CREBRF: variants seen among roughly 807,000 people sequenced by gnomAD.
CREBRF encodes CREB3 regulatory factor, also known as UPF0474 protein C5orf41.
Under a neutral mutation model 66.1 loss-of-function variants are expected in CREBRF, and 5 were observed. The ratio of observed to expected loss-of-function variants is 0.08; its 90% CI spans 0.04 to 0.16. CREBRF has a LOEUF of 0.16. CREBRF is among the 10% of genes least tolerant of loss of function. The pLI is 1.00. For synonymous variants in CREBRF, 229 were observed against 264.4 expected (o/e 0.87, Z 1.30); for missense variants, 531 against 744.9 (o/e 0.71, Z 3.34).
chr5:173,121,924 A>G (rs557907720), intron 7 of CREBRF, among the ~76,000 whole-genome samples: 4 of 152,072 alleles, frequency 2.6e-5, no homozygotes, highest in Admixed American at 6.5e-5. Context: ...GGCTATTCAC[A>G]GTCACCATCC....
intron 2 of CREBRF, chr5:173,085,400 C>T (rs1272007502): frequency 6.9e-6 from 7 of 1,015,404 alleles, no homozygotes; most frequent in South Asian, 2.7e-5. Context: ...AATATTGTAT[C>T]GTCAAATACA....
chr5:173,083,846 T>C (rs908398406), intron 2 of CREBRF, among the ~76,000 whole-genome samples: 2 of 152,244 alleles, frequency 1.3e-5, no homozygotes, highest in Admixed American at 1.3e-4. Context: ...TGCTCTATAT[T>C]TTTTCAATTT....
chr5:173,095,097 A>C (rs72816121), intron 4 of CREBRF, among the ~76,000 whole-genome samples: 25,611 of 151,452 alleles, frequency 0.17, 3,164 homozygotes, highest in African/African-American at 0.34. Flanking sequence ...ATTGGACATA[A>C]TGTGGGAATT....
At position 173,086,601 on chromosome 5, in the gene CREBRF, C is replaced by T. The variant is rs1481085204; in HGVS notation, c.110C>T (p.Ser37Leu). 8.1e-6 allele frequency: 13 copies of T among 1,612,332 alleles called. No individual in the cohort carries two copies. The highest frequency in any genetic ancestry group is 7.7e-5 in the South Asian group (7 of 90,788). ...AGCACAGATCTCTTAGCAAACAGTTCGGATCCAGATTTCATGTATGAACTG... is the reference window on the plus strand; with the variant it reads ...AGCACAGATCTCTTAGCAAACAGTTTGGATCCAGATTTCATGTATGAACTG... ...LMSTDLLANS[S>L]DPDFMYELDR... Residue 37 changes from serine (S) to leucine (L), a missense_variant, in exon 3 of 9, where the codon TCG becomes TTG. Coordinates refer to ENST00000296953, the MANE Select transcript of CREBRF (RefSeq NM_153607.3).
At position 173,098,300 on chromosome 5, in the gene CREBRF, C is replaced by T. The variant is rs368443177; in HGVS notation, c.1222+6899C>T. Among the ~76,000 whole-genome samples the T allele has an allele frequency of 6.4e-4, 98 of 152,138 alleles. 1 individual carries two copies. In the South Asian group the frequency reaches 0.02, roughly 31 times the overall value. On this transcript the variant is annotated intron_variant, in intron 4 of 8. Transcript: ENST00000296953. ...CCTCCCGGGTTCAGCCATTCTCCTG[C>T]CTCAGCCTCCTGAGTAGCTGGTACT...
Position 173,134,546 on chromosome 5 carries a change from A to C in CREBRF, c.*801A>C, listed in dbSNP as rs1759545792. ...ACAGAGTCTGTGTATTGTATAAAAAACAAAACAAAAAACAACAAAAAAAAG... is the reference window on the plus strand; with the variant it reads ...ACAGAGTCTGTGTATTGTATAAAAACCAAAACAAAAAACAACAAAAAAAAG... On this transcript the variant is annotated 3_prime_UTR_variant, in exon 9 of 9. Transcript: ENST00000296953. The C allele has an allele frequency of 6.5e-6, 1 of 152,882 alleles. No individual in the cohort carries two copies. Among genetic ancestry groups the C allele is most frequent in the Non-Finnish European group, 1.5e-5 (1 of 68,200 alleles). The allele number at this position is 152,882 out of a possible 1,614,324, so 9.5% of individuals were successfully genotyped here. A position where few individuals can be genotyped will look rare whatever the true frequency, so the allele number is the denominator to read the frequency against.
intron 7 of CREBRF, among the ~76,000 whole-genome samples, chr5:173,122,521 T>C (rs548934027): frequency 1.3e-5 from 2 of 150,408 alleles, no homozygotes; most frequent in South Asian, 4.2e-4. Flanking sequence ...TTCTTTTTTT[T>C]TTTGAGCATA....
chr5:173,091,439 G>C (rs1197594088), intron 4 of CREBRF, 38 bp downstream of exon 4: 31 of 1,574,504 alleles, frequency 2.0e-5, no homozygotes, highest in Non-Finnish European at 2.7e-5. Context: ...ACTGACCTTT[G>C]TATTACTATT....
intron 1 of CREBRF, among the ~76,000 whole-genome samples, chr5:173,077,526 G>C (rs1757802906): frequency 6.6e-6 from 1 of 151,862 alleles, no homozygotes; most frequent in Non-Finnish European, 1.5e-5. Flanking sequence ...CCAAGTAGCT[G>C]GGACTACAGC....
chr5:173,089,266 C>G (rs1374242570), intron 3 of CREBRF, among the ~76,000 whole-genome samples: 3 of 151,272 alleles, frequency 2.0e-5, no homozygotes, highest in Non-Finnish European at 2.9e-5. Context: ...AAAAATAACT[C>G]TGGAAGACTC....
At chr5:173,097,367 C>T (rs1758503295) in intron 4 of CREBRF, among the ~76,000 whole-genome samples, 1 of 152,132 alleles carries the variant, frequency 6.6e-6, no homozygotes, top group Non-Finnish European at 1.5e-5. Flanking sequence ...GCCTCAGCCT[C>T]CTGAGCAGTT....
chr5:173,102,084 A>G (rs946791090), intron 4 of CREBRF, among the ~76,000 whole-genome samples: 4 of 152,070 alleles, frequency 2.6e-5, no homozygotes, highest in African/African-American at 7.2e-5. Flanking sequence ...GAATTGCCCT[A>G]TGGAATATTT....
At chr5:173,115,108 C>CTTT (rs751890606) in intron 7 of CREBRF, among the ~76,000 whole-genome samples, 1 of 140,306 alleles carries the variant, frequency 7.1e-6, no homozygotes. Flanking sequence ...TTTTCTTTTT[C>CTTT]TTTTTTTTTT....
intron 4 of CREBRF, among the ~76,000 whole-genome samples, chr5:173,098,578 T>A (rs1758535938): frequency 6.6e-6 from 1 of 152,198 alleles, no homozygotes; most frequent in African/African-American, 2.4e-5. Context: ...TATATTCTGC[T>A]GCTGTCAGAA....
At chr5:173,071,355 G>A (rs1757595062) in intron 1 of CREBRF, among the ~76,000 whole-genome samples, 1 of 152,080 alleles carries the variant, frequency 6.6e-6, no homozygotes, top group Admixed American at 6.6e-5. Flanking sequence ...GGGATTACAG[G>A]TGTGAGCCAC....
At chr5:173,118,797 T>A (rs2113788038) in intron 7 of CREBRF, among the ~76,000 whole-genome samples, 1 of 151,938 alleles carries the variant, frequency 6.6e-6, no homozygotes, top group African/African-American at 2.4e-5. Context: ...CCTAGCACTT[T>A]GGGAGGTCAA....
Position 173,091,270 on chromosome 5 carries a change from TTGA to T in CREBRF, c.1098_1100del (p.Asp366del), listed in dbSNP as rs1758331136. On this transcript the variant is annotated inframe_deletion, in exon 4 of 9. Coordinates refer to ENST00000296953, the MANE Select transcript of CREBRF (RefSeq NM_153607.3). Reference sequence around the variant, plus strand: ...GAAGATGAGGAGGACGAGGAGGATGTTGATGATGAGGACCATGATGAAGGATTC... The same window carrying T: ...GAAGATGAGGAGGACGAGGAGGATGTTGATGAGGACCATGATGAAGGATTC... 6 of 1,613,758 alleles carry T rather than the reference TTGA, an allele frequency of 3.7e-6. No individual in the cohort carries two copies. The highest frequency in any genetic ancestry group is 1.7e-5 in the Admixed American group (1 of 59,966).
chr5:173,114,494 T>A (rs1758937590), intron 7 of CREBRF, among the ~76,000 whole-genome samples: 1 of 152,222 alleles, frequency 6.6e-6, no homozygotes, highest in South Asian at 2.1e-4. Context: ...AAAAAGAACA[T>A]CATCTACTAT....
At chr5:173,112,644 TTTA>T (rs1422948224) in intron 7 of CREBRF, among the ~76,000 whole-genome samples, 1 of 152,164 alleles carries the variant, frequency 6.6e-6, no homozygotes, top group African/African-American at 2.4e-5. Flanking sequence ...TGATAATTTG[TTTA>T]TTTTTTTCTA....
Sources: gnomAD v4.1 joint callset for allele counts (sites outside exome capture counted in the v4.1 genomes callset) on GRCh38, gnomAD v4.1.1 for gene constraint, MANE v1.5 for transcripts, NCBI Gene and HGNC (gene_info 2026-07-23, HGNC 2026-07-21) for gene names.